The following OR2L13 variants were observed in gnomAD, a reference collection of about 807,000 sequenced individuals.
OR2L13 encodes the protein olfactory receptor 2L13.
In OR2L13, 14 loss-of-function variants were observed where a neutral mutation model predicts 15.3. That is an observed-to-expected ratio of 0.91 (90% CI 0.60 to 1.43). The LOEUF is 1.43. Ranked by LOEUF, OR2L13 falls within the 40% of genes most tolerant of loss-of-function variation. The pLI is 0.00. For missense variants in OR2L13, 367 were observed against 387.9 expected, an observed-to-expected ratio of 0.95 and a Z score of 0.45; for synonymous variants, 152 against 142.9, an observed-to-expected ratio of 1.06 and a Z score of -0.45.
rs996578834 is a variant in OR2L13, at chr1:248,098,645, G to C, written c.-143-6G>C. 6.6e-6 allele frequency: 1 copy of C among 152,054 alleles called. No individual in the cohort carries two copies. The highest frequency in any genetic ancestry group is 2.4e-5 in the African/African-American group (1 of 41,388). 9.4% of individuals were successfully genotyped at this position (152,054 alleles called of 1,614,324 possible). On this transcript the variant is annotated splice_polypyrimidine_tract_variant and splice_region_variant and intron_variant, in intron 1 of 2. Coordinates refer to ENST00000641714, the Ensembl canonical transcript of OR2L13. ...TTGCAACAAACTATGATTTGCTTTT[G>C]AACAGCAAAAGTTGAAAAATCAGTA...
the OR2L13 span, among the ~76,000 whole-genome samples, chr1:247,986,592 A>G: frequency 6.6e-6 from 1 of 151,958 alleles, no homozygotes; most frequent in South Asian, 2.1e-4. Context: ...CTTGGCAATG[A>G]GGACTCTTTT....
chr1:247,957,991 AT>A, the OR2L13 span, among the ~76,000 whole-genome samples: 1 of 151,696 alleles, frequency 6.6e-6, no homozygotes, highest in Non-Finnish European at 1.5e-5. Flanking sequence ...TAGCTTTTGA[AT>A]GTGTTTGCTC....
At chr1:248,046,796 C>CCAATATACA in the OR2L13 span, 1 of 152,120 alleles carries the variant, frequency 6.6e-6, no homozygotes, top group South Asian at 2.1e-4. Context: ...TCTTTAAAAA[C>CCAATATACA]CATGTATTTG....
the OR2L13 span, among the ~76,000 whole-genome samples, chr1:247,940,731 C>CGT: frequency 0.37 from 53,995 of 146,638 alleles, 9,871 homozygotes; most frequent in South Asian, 0.5. Context: ...TGCATACGTG[C>CGT]GTGTGTGTGT....
rs1367065624 is a variant in OR2L13 at position 248,099,884 on chromosome 1, C to CT, written c.510dup (p.Arg171Ter). The stretch of plus-strand genomic sequence containing the variant: ...GCCCTTCATATTCCCTACTGCAGGT[C>CT]TAGGGCTATTGACCATTTCTTCTGC... On this transcript the variant is annotated frameshift_variant, in exon 3 of 3. Transcript: ENST00000641714. LOFTEE classifies it high-confidence loss of function. 3 of 1,614,024 alleles carry CT rather than the reference C, an allele frequency of 1.9e-6. No homozygotes were observed. The African/African-American group carries it at 4.0e-5, about 22-fold the overall frequency.
chr1:247,981,886 G>A, the OR2L13 span, among the ~76,000 whole-genome samples: 1 of 151,294 alleles, frequency 6.6e-6, no homozygotes, highest in African/African-American at 2.4e-5. Flanking sequence ...TGTGATCTCA[G>A]CTCACAGCAA....
chr1:247,939,778 A>G, the OR2L13 span: 1 of 152,276 alleles, frequency 6.6e-6, no homozygotes, highest in Non-Finnish European at 1.5e-5. Context: ...AAGTTTTTAC[A>G]TATGTTTGTT....
the OR2L13 span, among the ~76,000 whole-genome samples, chr1:248,067,299 T>C: frequency 6.6e-6 from 1 of 152,342 alleles, no homozygotes; most frequent in East Asian, 1.9e-4. Flanking sequence ...AATAAACTGA[T>C]TTGTTAGAAA....
chr1:248,030,591 T>C, the OR2L13 span, among the ~76,000 whole-genome samples: 1 of 152,190 alleles, frequency 6.6e-6, no homozygotes, highest in East Asian at 1.9e-4. Context: ...ACCTACTTGG[T>C]TGGTGTTTTG....
the OR2L13 span, among the ~76,000 whole-genome samples, chr1:247,966,657 A>G: frequency 4.0e-4 from 61 of 152,360 alleles, no homozygotes; most frequent in South Asian, 0.012. Context: ...AGGTGTTTTA[A>G]TGCTTTAATT....
At chr1:248,018,057 A>G in the OR2L13 span, among the ~76,000 whole-genome samples, 1 of 151,546 alleles carries the variant, frequency 6.6e-6, no homozygotes, top group Admixed American at 6.6e-5. Flanking sequence ...TGGGAGGCTG[A>G]GGCAGGAGAA....
chr1:248,090,353 T>C (rs1664565799), upstream of OR2L13, among the ~76,000 whole-genome samples: 1 of 151,328 alleles, frequency 6.6e-6, no homozygotes, highest in Non-Finnish European at 1.5e-5. Flanking sequence ...ACAGGTAAAT[T>C]GTAGGTCACA....
chr1:247,985,723 C>A, the OR2L13 span, among the ~76,000 whole-genome samples: 2 of 151,564 alleles, frequency 1.3e-5, no homozygotes, highest in Non-Finnish European at 3.0e-5. Flanking sequence ...TACAGTCCCA[C>A]CAACAGTGTA....
At chr1:248,069,527 A>G in the OR2L13 span, among the ~76,000 whole-genome samples, 1 of 152,202 alleles carries the variant, frequency 6.6e-6, no homozygotes, top group Non-Finnish European at 1.5e-5. Flanking sequence ...ATCATGCCAA[A>G]TTGTAAAGAC....
At chr1:248,086,899 T>C in the OR2L13 span, among the ~76,000 whole-genome samples, 6,246 of 151,690 alleles carry the variant, frequency 0.041, 444 homozygotes, top group African/African-American at 0.14. Flanking sequence ...TATTTATTTC[T>C]ATTTGTCTTT....
At chr1:248,039,235 C>G in the OR2L13 span, 1 of 1,574,430 alleles carries the variant, frequency 6.4e-7, no homozygotes, top group Middle Eastern at 1.7e-4. Flanking sequence ...AGTCAAAGCG[C>G]TAGGTTCATA....
chr1:248,081,331 AT>A, the OR2L13 span, among the ~76,000 whole-genome samples: 1 of 152,092 alleles, frequency 6.6e-6, no homozygotes, highest in South Asian at 2.1e-4. Flanking sequence ...TTTTATAGGT[AT>A]TTTGTGCATT....
At chr1:247,991,876 A>G in the OR2L13 span, among the ~76,000 whole-genome samples, 1 of 149,600 alleles carries the variant, frequency 6.7e-6, no homozygotes, top group South Asian at 2.1e-4. Context: ...ATTGCTTTCC[A>G]GAAGAGCCCA....
At chr1:248,061,508 T>A in the OR2L13 span, 10 of 1,613,878 alleles carry the variant, frequency 6.2e-6, no homozygotes, top group Non-Finnish European at 8.5e-6. Flanking sequence ...CTGGCTGTCT[T>A]CTACACCACC....
Sources: allele counts gnomAD v4.1 joint callset (sites outside exome capture counted in the v4.1 genomes callset), GRCh38; gene constraint gnomAD v4.1.1; transcripts MANE v1.5; gene names NCBI Gene and HGNC (gene_info 2026-07-23, HGNC 2026-07-21).